The following MORC1 variants were observed in gnomAD, a reference collection of about 807,000 sequenced individuals.
The protein encoded by MORC1 is MORC family CW-type zinc finger 1.
MORC1 carries 59 observed loss-of-function variants against 134.9 expected under a neutral mutation model. The ratio of observed to expected loss-of-function variants is 0.44; its 90% CI spans 0.35 to 0.54. The LOEUF is 0.54. Ranked by LOEUF, MORC1 falls within the 20% of genes least tolerant of loss-of-function variation. The pLI is 0.00. For missense variants in MORC1, 947 were observed against 1,134.5 expected (o/e 0.83, Z 2.37); for synonymous variants, 395 against 391.7 (o/e 1.01, Z -0.10).
chr3:109,008,468 A>G (rs1948603016), intron 17 of MORC1, among the ~76,000 whole-genome samples: 1 of 151,208 alleles, frequency 6.6e-6, no homozygotes, highest in Admixed American at 6.6e-5. Flanking sequence ...ATATAATTAT[A>G]TGTATATTGC....
chr3:109,040,427 G>GGAAAGAAAGAAAGAAA (rs1214249386), intron 14 of MORC1, among the ~76,000 whole-genome samples: 12 of 48,400 alleles, frequency 2.5e-4, no homozygotes, highest in African/African-American at 6.6e-4. Context: ...AAGGAAGGAA[G>GGAAAGAAAGAAAGAAA]GAAAGAAAGA....
At chr3:108,991,347 T>C (rs2107487692) in intron 21 of MORC1, among the ~76,000 whole-genome samples, 1 of 152,268 alleles carries the variant, frequency 6.6e-6, no homozygotes, top group East Asian at 1.9e-4. Flanking sequence ...GGTGGTAGAA[T>C]ATGTTCTATG....
chr3:109,079,731 A>C (rs1033924033), intron 8 of MORC1, among the ~76,000 whole-genome samples: 2 of 152,134 alleles, frequency 1.3e-5, no homozygotes, highest in African/African-American at 4.8e-5. Context: ...TGATAAGACT[A>C]TACAGAAAAT....
rs112319581 is a variant in MORC1 at position 108,979,787 on chromosome 3, A to G, written c.2325-120T>C. ...AAATGAGAACAAGAACATGCGTGTA[A>G]TGCCGAAAACTGCCACCACTGTAGT... is the stretch of plus-strand genomic sequence containing the variant. On this transcript the variant is annotated intron_variant, in intron 23 of 27. Coordinates refer to ENST00000232603, the MANE Select transcript of MORC1 (RefSeq NM_014429.4). 3.1e-5 allele frequency: 35 copies of G among 1,113,438 alleles called. 1 individual carries two copies. The African/African-American group carries it at 4.0e-4, about 13-fold the overall frequency. The allele number at this position is 1,113,438 out of a possible 1,614,324, so 69.0% of individuals were successfully genotyped here.
chr3:109,080,158 G>A (rs1210056027), intron 8 of MORC1, among the ~76,000 whole-genome samples: 1 of 152,118 alleles, frequency 6.6e-6, no homozygotes, highest in Non-Finnish European at 1.5e-5. Flanking sequence ...AGACATACCT[G>A]AGACTGGGCA....
intron 14 of MORC1, among the ~76,000 whole-genome samples, chr3:109,048,739 T>C (rs181131586): frequency 2.0e-5 from 3 of 152,300 alleles, no homozygotes; most frequent in Admixed American, 2.0e-4. Context: ...TGTTTTTTTC[T>C]TTGTGTGCAC....
At chr3:109,091,435 C>A (rs1002452795) in intron 8 of MORC1, among the ~76,000 whole-genome samples, 1 of 106,306 alleles carries the variant, frequency 9.4e-6, no homozygotes, top group Non-Finnish European at 2.0e-5. Context: ...CAGGGTGAGA[C>A]TCCATCTAAA....
chr3:108,994,049 T>G (rs1206091091), intron 21 of MORC1, among the ~76,000 whole-genome samples: 1 of 152,138 alleles, frequency 6.6e-6, no homozygotes, highest in African/African-American at 2.4e-5. Flanking sequence ...AGCTGGAATC[T>G]GCCTCTTTTG....
chr3:109,050,624 T>A (rs764435539), intron 14 of MORC1, among the ~76,000 whole-genome samples: 7 of 152,206 alleles, frequency 4.6e-5, no homozygotes, highest in Admixed American at 6.5e-5. Flanking sequence ...GACTGTAAGT[T>A]CTCAGAGAAG....
chr3:109,013,017 A>C (rs1339381278), intron 17 of MORC1, among the ~76,000 whole-genome samples: 2 of 152,188 alleles, frequency 1.3e-5, no homozygotes, highest in African/African-American at 4.8e-5. Context: ...TTCACTAATA[A>C]GCAAGATTTT....
chr3:109,114,370 C>G lies in MORC1; in HGVS notation c.119+14G>C, dbSNP rs1416707861. ...AAATTCCCTCAGTAACTGTTGTTTA[C>G]AGATAAACCTTACCTTGCATTGTCC... is the stretch of plus-strand genomic sequence containing the variant. On this transcript the variant is annotated intron_variant, in intron 2 of 27. Coordinates refer to ENST00000232603, the MANE Select transcript of MORC1 (RefSeq NM_014429.4). 11 of 1,603,308 alleles carry G rather than the reference C, an allele frequency of 6.9e-6. No homozygotes were observed. Among genetic ancestry groups the G allele is most frequent in the Non-Finnish European group, 9.4e-6 (11 of 1,172,154 alleles).
chr3:109,055,589 G>A (rs896739733), intron 13 of MORC1, among the ~76,000 whole-genome samples: 2 of 152,078 alleles, frequency 1.3e-5, no homozygotes, highest in African/African-American at 4.8e-5. Context: ...TCTTCTAGAA[G>A]GCCTAAATTG....
chr3:109,098,780 C>A (rs13072035), intron 6 of MORC1, among the ~76,000 whole-genome samples: 3,575 of 152,210 alleles, frequency 0.023, 75 homozygotes, highest in Middle Eastern at 0.11. Context: ...GGCCATATGA[C>A]CTTCTGCTTC....
chr3:109,024,810 A>AT (rs1205597082), intron 17 of MORC1, among the ~76,000 whole-genome samples: 1 of 152,120 alleles, frequency 6.6e-6, no homozygotes, highest in Non-Finnish European at 1.5e-5. Context: ...CCAGTTCTTG[A>AT]TTTTTTCAGT....
rs183042792 is a variant in MORC1, at chr3:109,099,549, T to C, written c.315-83A>G. 6.0e-4 allele frequency: 592 copies of C among 980,396 alleles called. 2 individuals carry two copies. Among genetic ancestry groups the C allele is most frequent in the Non-Finnish European group, 4.7e-5 (32 of 683,084 alleles). The allele number at this position is 980,396 out of a possible 1,614,324, so 60.7% of individuals were successfully genotyped here. ...CAGGCAGACTGTTATCACCGTGTACTGTAACAGGATGTTCTTTCCAACACT... is the reference window on the plus strand; with the variant it reads ...CAGGCAGACTGTTATCACCGTGTACCGTAACAGGATGTTCTTTCCAACACT... On this transcript the variant is annotated intron_variant, in intron 5 of 27. Coordinates refer to ENST00000232603, the MANE Select transcript of MORC1 (RefSeq NM_014429.4).
intron 14 of MORC1, among the ~76,000 whole-genome samples, chr3:109,046,048 T>C (rs1396670113): frequency 6.6e-6 from 1 of 152,214 alleles, no homozygotes; most frequent in Non-Finnish European, 1.5e-5. Flanking sequence ...ATGAATTTAA[T>C]AACACTGAGT....
chr3:109,008,589 T>C (rs1948606835), intron 17 of MORC1, among the ~76,000 whole-genome samples: 2 of 152,032 alleles, frequency 1.3e-5, no homozygotes, highest in African/African-American at 2.4e-5. Context: ...TATTGCTTTA[T>C]TGATGTCATA....
At chr3:109,054,972 T>TC in intron 13 of MORC1, 90 bp from the exon 14 acceptor site, 2 of 1,222,994 alleles carry the variant, frequency 1.6e-6, no homozygotes, top group Non-Finnish European at 2.3e-6. Context: ...ATTTTTTTTT[T>TC]CAAAAATAAA....
chr3:109,009,532 T>C (rs1484197201), intron 17 of MORC1, among the ~76,000 whole-genome samples: 3 of 152,204 alleles, frequency 2.0e-5, no homozygotes, highest in African/African-American at 4.8e-5. Flanking sequence ...TATTTAGCTG[T>C]AGGCTTTTTA....
Sources: allele counts gnomAD v4.1 joint callset (sites outside exome capture counted in the v4.1 genomes callset), GRCh38; gene constraint gnomAD v4.1.1; transcripts MANE v1.5; gene names NCBI Gene and HGNC (gene_info 2026-07-23, HGNC 2026-07-21).